Variants in SLC23A2 observed in about 807,000 individuals in gnomAD.
SLC23A2 encodes solute carrier family 23 member 2.
In SLC23A2, 36 loss-of-function variants were observed where a neutral mutation model predicts 73.3. The ratio of observed to expected loss-of-function variants is 0.49; its 90% CI spans 0.38 to 0.65. SLC23A2 has a LOEUF of 0.65. SLC23A2 is among the 30% of genes least tolerant of loss of function. SLC23A2 has a pLI of 0.00. For missense variants in SLC23A2, 507 were observed against 841.6 expected (o/e 0.60, Z 4.92); for synonymous variants, 343 against 327.3 (o/e 1.05, Z -0.52).
chr20:4,947,149 T>C lies in SLC23A2; in HGVS notation c.-154-14433A>G, dbSNP rs2087130383. ...CAGCTGTCCGTCTTCTGTGTTTCCATGGTTCCCAGCTTCCTGTCCGCTCCC... is the reference window on the plus strand; with the variant it reads ...CAGCTGTCCGTCTTCTGTGTTTCCACGGTTCCCAGCTTCCTGTCCGCTCCC... On this transcript the variant is annotated intron_variant, in intron 2 of 16. Transcript: ENST00000338244. This position sits in a 1 kb window ranked among gnomAD's most constrained non-coding sequence, Gnocchi z 4.4. 6.6e-6 allele frequency among the ~76,000 whole-genome samples: 1 copy of C among 152,060 alleles called. No individual in the cohort carries two copies.
chr20:4,913,300 G>T (rs1932220899), intron 3 of SLC23A2, among the ~76,000 whole-genome samples: 1 of 152,228 alleles, frequency 6.6e-6, no homozygotes, highest in African/African-American at 2.4e-5. Context: ...TAAGATCCCT[G>T]CCCACATAAC....
At chr20:4,897,250 C>G (rs1931570475) in intron 6 of SLC23A2, among the ~76,000 whole-genome samples, 1 of 152,188 alleles carries the variant, frequency 6.6e-6, no homozygotes, top group African/African-American at 2.4e-5. Context: ...ATCACAAGCC[C>G]AACACCCCAC....
intron 2 of SLC23A2, among the ~76,000 whole-genome samples, chr20:4,945,429 G>A (rs1427931544): frequency 6.6e-6 from 1 of 152,114 alleles, no homozygotes. Flanking sequence ...GTGACCACAG[G>A]CATGCGCCAC....
rs371553822 is a variant in SLC23A2, at chr20:4,911,193, C to A, written c.207+1687G>T. On this transcript the variant is annotated intron_variant, in intron 4 of 16. Coordinates refer to ENST00000338244, the MANE Select transcript of SLC23A2 (RefSeq NM_005116.6). ...GTGCCTCAGCTGCAGACCACAGGCA[C>A]CAATCCACATGCCAAACACCACTGC... Among the ~76,000 whole-genome samples the A allele has an allele frequency of 1.8e-4, 28 of 152,266 alleles. No homozygotes were observed. In the East Asian group the frequency reaches 5.4e-3, roughly 29 times the overall value.
chr20:4,913,434 C>T (rs553498489), intron 3 of SLC23A2, among the ~76,000 whole-genome samples: 1 of 152,296 alleles, frequency 6.6e-6, no homozygotes, highest in South Asian at 2.1e-4. Flanking sequence ...GCCACACCAT[C>T]GTCCCGGGTT....
intron 2 of SLC23A2, among the ~76,000 whole-genome samples, chr20:4,956,534 G>T (rs1231428542): frequency 6.6e-6 from 1 of 152,042 alleles, no homozygotes; most frequent in Non-Finnish European, 1.5e-5. Flanking sequence ...TATTCAATTT[G>T]CTTCCAATTA....
At chr20:4,945,792 A>G (rs1016239268) in intron 2 of SLC23A2, among the ~76,000 whole-genome samples, 1 of 152,192 alleles carries the variant, frequency 6.6e-6, no homozygotes, top group African/African-American at 2.4e-5. Context: ...TCACTGATGG[A>G]AAAACTCTGC....
intron 2 of SLC23A2, among the ~76,000 whole-genome samples, chr20:4,953,531 G>A (rs1057458019): frequency 6.6e-5 from 10 of 151,884 alleles, no homozygotes; most frequent in African/African-American, 2.2e-4. Flanking sequence ...ACAGAATACA[G>A]ACTAAAACAC....
rs571741983 is a variant in SLC23A2, at chr20:4,947,261, A to G, written c.-154-14545T>C. On this transcript the variant is annotated intron_variant, in intron 2 of 16. Coordinates refer to ENST00000338244, the MANE Select transcript of SLC23A2 (RefSeq NM_005116.6). This position sits in a 1 kb window ranked among gnomAD's most constrained non-coding sequence, Gnocchi z 4.4. ...GGGGAAATCCCTGACTCGTTCAGGGAAATCTTGTGGCTGGGACGTGAAAGG... is the reference window on the plus strand; with the variant it reads ...GGGGAAATCCCTGACTCGTTCAGGGGAATCTTGTGGCTGGGACGTGAAAGG... 6.6e-6 allele frequency among the ~76,000 whole-genome samples: 1 copy of G among 152,334 alleles called. No homozygotes were observed. The highest frequency in any genetic ancestry group is 6.5e-5 in the Admixed American group (1 of 15,292).
At chr20:4,887,899 C>T (rs1477172968) in intron 6 of SLC23A2, among the ~76,000 whole-genome samples, 2 of 152,172 alleles carry the variant, frequency 1.3e-5, no homozygotes, top group East Asian at 1.9e-4. Flanking sequence ...ACACGTTAAA[C>T]GAGAGCTTCC....
intron 4 of SLC23A2, among the ~76,000 whole-genome samples, chr20:4,910,719 A>C (rs1932112279): frequency 6.6e-6 from 1 of 152,196 alleles, no homozygotes; most frequent in African/African-American, 2.4e-5. Context: ...TGCAGGCATG[A>C]GCCACCACGC....
intron 1 of SLC23A2, among the ~76,000 whole-genome samples, chr20:5,000,606 C>A (rs570188261): frequency 6.6e-6 from 1 of 152,260 alleles, no homozygotes; most frequent in South Asian, 2.1e-4. Flanking sequence ...CCTGCAGTTG[C>A]CCTCATTTAC....
intron 2 of SLC23A2, among the ~76,000 whole-genome samples, chr20:4,936,462 T>C (rs978743046): frequency 6.6e-6 from 1 of 151,976 alleles, no homozygotes; most frequent in African/African-American, 2.4e-5. Context: ...ATGGGACTTT[T>C]TTTCTTAAAG....
intron 2 of SLC23A2, among the ~76,000 whole-genome samples, chr20:4,950,619 C>T (rs1241723356): frequency 6.6e-6 from 1 of 152,154 alleles, no homozygotes; most frequent in Admixed American, 6.5e-5. Context: ...CCAGTCCTGA[C>T]TCCAAGCCAG....
intron 15 of SLC23A2, among the ~76,000 whole-genome samples, chr20:4,860,449 T>A (rs1021698481): frequency 1.3e-5 from 2 of 152,170 alleles, no homozygotes; most frequent in Non-Finnish European, 2.9e-5. Flanking sequence ...GTCCAAGTGG[T>A]GTGAAGTGCT....
At position 4,869,926 on chromosome 20, in the gene SLC23A2, G is replaced by T. The variant is rs147047403; in HGVS notation, c.1230C>A (p.Pro410=). The part of the protein sequence containing the change: ...ACARLSCAPP[P]PIHAINRGIF... The stretch of plus-strand genomic sequence containing the variant: ...CGTACCTGTTTATTGCGTGGATGGG[G>T]GGGGGTGGGGCACAGGACAGCCGTG... The change falls in exon 12 of 17, where the codon CCC becomes CCA. Residue 410 remains proline (P), a synonymous_variant. Coordinates refer to ENST00000338244, the MANE Select transcript of SLC23A2 (RefSeq NM_005116.6). The T allele has an allele frequency of 2.0e-4, 322 of 1,607,192 alleles. 5 individuals are homozygous for T. The highest frequency in any genetic ancestry group is 1.5e-3 in the South Asian group (140 of 90,926).
At chr20:4,951,634 G>A (rs894788459) in intron 2 of SLC23A2, among the ~76,000 whole-genome samples, 1 of 152,166 alleles carries the variant, frequency 6.6e-6, no homozygotes, top group African/African-American at 2.4e-5. Context: ...GTGGGGATGG[G>A]AGTGACTATT....
At chr20:4,953,657 G>A (rs2087237526) in intron 2 of SLC23A2, among the ~76,000 whole-genome samples, 1 of 152,130 alleles carries the variant, frequency 6.6e-6, no homozygotes, top group African/African-American at 2.4e-5. Context: ...GGGAGGCTGA[G>A]GTGGGCAGAT....
chr20:4,955,396 CA>C (rs1415482707), intron 2 of SLC23A2, among the ~76,000 whole-genome samples: 27 of 143,656 alleles, frequency 1.9e-4, no homozygotes, highest in Middle Eastern at 3.4e-3. Context: ...CACACACACA[CA>C]CCCTAGAATA....
Sources: gnomAD v4.1 joint callset for allele counts (sites outside exome capture counted in the v4.1 genomes callset) on GRCh38, gnomAD v4.1.1 for gene constraint, Gnocchi (gnomAD v3.1) non-coding constraint, MANE v1.5 for transcripts, NCBI Gene and HGNC (gene_info 2026-07-23, HGNC 2026-07-21) for gene names.